SNX27: variants seen among roughly 807,000 people sequenced by gnomAD.
SNX27 encodes the protein sorting nexin 27, also known as sorting nexin-27.
A neutral mutation model predicts 71.6 loss-of-function variants in SNX27; 22 were observed. The observed-to-expected ratio is 0.31, with a 90% CI of 0.22 to 0.44. The LOEUF (loss-of-function observed/expected upper bound fraction) is 0.44. Among genes scored for constraint, SNX27 ranks in the 20% least tolerant of loss-of-function variants. SNX27 has a pLI of 1.00. For missense variants in SNX27, 531 were observed against 698.6 expected (o/e 0.76, Z 2.70); for synonymous variants, 269 against 277.2 (o/e 0.97, Z 0.29).
intron 1 of SNX27, chr1:151,615,902 C>T: frequency 1.2e-6 from 1 of 805,048 alleles, no homozygotes; most frequent in Non-Finnish European, 1.5e-6. Context: ...AGTCGGCTTA[C>T]CAAGGCTCTG....
chr1:151,694,668 C>G lies in SNX27; in HGVS notation c.*251C>G, dbSNP rs1255559732. 1 of 410,312 alleles carries G rather than the reference C, an allele frequency of 2.4e-6. No homozygotes were observed. The highest frequency in any genetic ancestry group is 4.2e-5 in the Admixed American group (1 of 23,544). The allele number at this position is 410,312 out of a possible 1,614,324, so 25.4% of individuals were successfully genotyped here. A position where few individuals can be genotyped will look rare whatever the true frequency, so the allele number is the denominator to read the frequency against. ...AGGCAGGAAAAGAAATAAGCCCAACCAACTTGCCAAAGGTATCTTTGTCCT... is the reference window on the plus strand; with the variant it reads ...AGGCAGGAAAAGAAATAAGCCCAACGAACTTGCCAAAGGTATCTTTGTCCT... On this transcript the variant is annotated 3_prime_UTR_variant, in exon 12 of 12. Transcript: ENST00000458013.
At chr1:151,690,613 TTTG>T (rs1263629127) in intron 8 of SNX27, among the ~76,000 whole-genome samples, 1 of 151,490 alleles carries the variant, frequency 6.6e-6, no homozygotes, top group African/African-American at 2.4e-5. Flanking sequence ...AAATTTTTTT[TTTG>T]TTTTTTTTTT....
chr1:151,658,171 C>A, intron 2 of SNX27, 64 bp from the exon 3 acceptor site: 1 of 1,431,724 alleles, frequency 7.0e-7, no homozygotes, highest in Non-Finnish European at 9.6e-7. Flanking sequence ...CTAAGCCTGA[C>A]TAGATGATTT....
At chr1:151,635,553 TATATC>T (rs913992720) in intron 1 of SNX27, among the ~76,000 whole-genome samples, 3 of 152,338 alleles carry the variant, frequency 2.0e-5, no homozygotes, top group East Asian at 3.8e-4. Context: ...TGTAAAAAAT[TATATC>T]ATATAACATT....
chr1:151,674,247 A>G (rs1055597524), intron 7 of SNX27, among the ~76,000 whole-genome samples: 2 of 152,114 alleles, frequency 1.3e-5, no homozygotes, highest in Non-Finnish European at 2.9e-5. Context: ...AAGGCTTGCA[A>G]ATACTCTCTT....
chr1:151,694,525 C>G lies in SNX27; in HGVS notation c.*108C>G, dbSNP rs1671615915. The G allele has an allele frequency of 3.4e-6, 4 of 1,167,104 alleles. No individual in the cohort carries two copies. Among genetic ancestry groups the G allele is most frequent in the East Asian group, 2.7e-5 (1 of 37,210 alleles). The allele number at this position is 1,167,104 out of a possible 1,614,324, so 72.3% of individuals were successfully genotyped here. On this transcript the variant is annotated 3_prime_UTR_variant, in exon 12 of 12. Coordinates refer to ENST00000458013, the MANE Select transcript of SNX27 (RefSeq NM_001330723.2). ...AAAAAAGAAGAGAAAAAGTTAAAGTCGTTATATTCAAAAGCCCTAAACTAA... is the reference window on the plus strand; with the variant it reads ...AAAAAAGAAGAGAAAAAGTTAAAGTGGTTATATTCAAAAGCCCTAAACTAA...
At chr1:151,675,844 T>TA (rs1670672430) in intron 7 of SNX27, 1 of 117,534 alleles carries the variant, frequency 8.5e-6, no homozygotes, top group Non-Finnish European at 1.7e-5. Flanking sequence ...TTTTTTTTTT[T>TA]TATATAGGCT....
chr1:151,657,473 G>A (rs1195434838), intron 2 of SNX27, among the ~76,000 whole-genome samples: 2 of 152,060 alleles, frequency 1.3e-5, no homozygotes, highest in African/African-American at 2.4e-5. Flanking sequence ...TGCCCAGGCC[G>A]CTTACATCAT....
At chr1:151,676,237 T>C (rs947793760) in intron 7 of SNX27, 5 of 148,604 alleles carry the variant, frequency 3.4e-5, no homozygotes, top group Middle Eastern at 3.5e-3. Context: ...TTTACTCTGT[T>C]CCATTGTTTT....
intron 2 of SNX27, among the ~76,000 whole-genome samples, chr1:151,648,499 A>G (rs1669166802): frequency 6.6e-6 from 1 of 151,754 alleles, no homozygotes; most frequent in Admixed American, 6.6e-5. Flanking sequence ...GGCTCACTGC[A>G]ACCTCCACCT....
Position 151,612,189 on chromosome 1 carries a change from G to T in SNX27, c.-13G>T, listed in dbSNP as rs1475644939. The T allele has an allele frequency of 5.2e-6, 7 of 1,335,408 alleles. No individual in the cohort carries two copies. Among genetic ancestry groups the T allele is most frequent in the Middle Eastern group, 2.5e-4 (1 of 4,012 alleles). 82.7% of individuals were successfully genotyped at this position (1,335,408 alleles called of 1,614,324 possible). A position where few individuals can be genotyped will look rare whatever the true frequency, so the allele number is the denominator to read the frequency against. Reference sequence around the variant, plus strand: ...GGCGTAGGGGGCGGGGGTACGGCTCGCCTGCTCGCAAGATGGCGGACGAGG... The same window carrying T: ...GGCGTAGGGGGCGGGGGTACGGCTCTCCTGCTCGCAAGATGGCGGACGAGG... On this transcript the variant is annotated 5_prime_UTR_variant, in exon 1 of 12. Coordinates refer to ENST00000458013, the MANE Select transcript of SNX27 (RefSeq NM_001330723.2). This position sits in a 1 kb window ranked among gnomAD's most constrained non-coding sequence, Gnocchi z 5.2.
At chr1:151,681,235 C>CTTTTT (rs762924986) in intron 7 of SNX27, among the ~76,000 whole-genome samples, 1,379 of 60,650 alleles carry the variant, frequency 0.023, 243 homozygotes, top group African/African-American at 0.082. Flanking sequence ...GTCTCTCAAT[C>CTTTTT]TTTTTTTTTT....
At chr1:151,681,510 G>A (rs1670965996) in intron 7 of SNX27, among the ~76,000 whole-genome samples, 1 of 151,996 alleles carries the variant, frequency 6.6e-6, no homozygotes, top group Non-Finnish European at 1.5e-5. Context: ...CCAAAGTGCT[G>A]AGATTACAGG....
intron 1 of SNX27, among the ~76,000 whole-genome samples, chr1:151,637,400 G>C (rs1295240750): frequency 6.6e-6 from 1 of 152,006 alleles, no homozygotes; most frequent in Non-Finnish European, 1.5e-5. Context: ...GGAAGGTCTT[G>C]ATCTCCTGAC....
chr1:151,631,026 C>T (rs1053948050), intron 1 of SNX27, among the ~76,000 whole-genome samples: 4 of 151,872 alleles, frequency 2.6e-5, no homozygotes, highest in Non-Finnish European at 4.4e-5. Flanking sequence ...AGTGAGACTC[C>T]GTCTCAAAAA....
intron 1 of SNX27, among the ~76,000 whole-genome samples, chr1:151,630,957 G>A (rs113093163): frequency 0.066 from 10,037 of 152,250 alleles, 437 homozygotes; most frequent in Middle Eastern, 0.11. Context: ...GCGTGAACCC[G>A]GGAGGCGGAG....
intron 2 of SNX27, among the ~76,000 whole-genome samples, chr1:151,639,689 C>T (rs574848514): frequency 6.6e-6 from 1 of 152,322 alleles, no homozygotes; most frequent in South Asian, 2.1e-4. Context: ...CTGTTTCACA[C>T]ATTTCTAATC....
At position 151,658,294 on chromosome 1, in the gene SNX27, T is replaced by C. The variant is rs750670612; in HGVS notation, c.603T>C (p.Ala201=). The change falls in exon 3 of 12, where the codon GCT becomes GCC. Residue 201 remains alanine, a synonymous_variant. Transcript: ENST00000458013. Reference sequence around the variant, plus strand: ...GTTCTAAGCGGTACCGGGAGTTTGCTATCCTACACCAGAACCTGAAGAGAG... The same window carrying C: ...GTTCTAAGCGGTACCGGGAGTTTGCCATCCTACACCAGAACCTGAAGAGAG... ...QLCSKRYREF[A]ILHQNLKREF... is the part of the protein sequence containing the mutation. The C allele has an allele frequency of 1.9e-6, 3 of 1,614,062 alleles. No homozygotes were observed. The highest frequency in any genetic ancestry group is 2.7e-5 in the African/African-American group (2 of 74,934).
intron 7 of SNX27, among the ~76,000 whole-genome samples, chr1:151,681,888 A>G (rs1360076314): frequency 1.3e-5 from 2 of 151,928 alleles, no homozygotes; most frequent in Non-Finnish European, 2.9e-5. Flanking sequence ...TTCTCAAAGT[A>G]TTTAAGCACA....
Sources: allele counts gnomAD v4.1 joint callset (sites outside exome capture counted in the v4.1 genomes callset), GRCh38; gene constraint gnomAD v4.1.1; non-coding constraint Gnocchi (gnomAD v3.1); transcripts MANE v1.5; gene names NCBI Gene and HGNC (gene_info 2026-07-23, HGNC 2026-07-21).